The following PDIA5 variants were observed in gnomAD, a reference collection of about 807,000 sequenced individuals.
The protein encoded by PDIA5 is protein disulfide-isomerase A5.
A neutral mutation model predicts 77.6 loss-of-function variants in PDIA5; 58 were observed. The ratio of observed to expected loss-of-function variants is 0.75; its 90% CI spans 0.61 to 0.93. The LOEUF is 0.93. Ranked by LOEUF, PDIA5 falls within the 40% of genes least tolerant of loss-of-function variation. The probability of loss-of-function intolerance (pLI) is 0.00; values close to 1 mark genes in which losing one functional copy is unlikely to be tolerated. For missense variants in PDIA5, 630 were observed against 647.7 expected (o/e 0.97, Z 0.30); for synonymous variants, 250 against 252.1 (o/e 0.99, Z 0.08).
intron 15 of PDIA5, 125 bp downstream of exon 15, chr3:123,155,166 G>T: frequency 1.4e-6 from 1 of 713,640 alleles, no homozygotes; most frequent in Non-Finnish European, 2.5e-6. Context: ...GAAATTCCTT[G>T]GGAACCAGGA....
rs569370360 is a variant in PDIA5, at chr3:123,161,624, G to A, written c.1479+169G>A. 7 of 737,088 alleles carry A rather than the reference G, an allele frequency of 9.5e-6. No homozygotes were observed. The South Asian group carries it at 1.3e-4, about 14-fold the overall frequency. The allele number at this position is 737,088 out of a possible 1,614,324, so 45.7% of individuals were successfully genotyped here. On this transcript the variant is annotated intron_variant, in intron 16 of 16. Coordinates refer to ENST00000316218, the MANE Select transcript of PDIA5 (RefSeq NM_006810.4). ...GCCTGGCTGAGGCTTGACATTGTTG[G>A]AGGAGAGTCCCAAGGGGTTGCCACA...
intron 11 of PDIA5, among the ~76,000 whole-genome samples, chr3:123,135,627 A>G (rs1437988785): frequency 6.7e-6 from 1 of 149,568 alleles, no homozygotes; most frequent in East Asian, 2.0e-4. Context: ...TTTTAACTGT[A>G]TTTTTGTCTT....
At chr3:123,103,865 A>G (rs181490264) in intron 5 of PDIA5, among the ~76,000 whole-genome samples, 154 of 152,344 alleles carry the variant, frequency 1.0e-3, no homozygotes, top group African/African-American at 3.7e-3. Context: ...TTCCCCAGGA[A>G]CAAGATTTAG....
At position 123,127,366 on chromosome 3, in the gene PDIA5, C is replaced by G. The variant is rs541278607; in HGVS notation, c.773+3023C>G. Among the ~76,000 whole-genome samples the G allele has an allele frequency of 4.6e-5, 7 of 152,290 alleles. No homozygotes were observed. The South Asian group carries it at 1.4e-3, about 32-fold the overall frequency. ...CTCCCATTGGACTCATTCTGAGGTT[C>G]CCCATTCATGCTTGAATGACTCTTA... On this transcript the variant is annotated intron_variant, in intron 10 of 16. Coordinates refer to ENST00000316218, the MANE Select transcript of PDIA5 (RefSeq NM_006810.4).
chr3:123,094,147 A>ACCTTTTCAAG (rs1934375405), intron 3 of PDIA5, among the ~76,000 whole-genome samples: 1 of 152,250 alleles, frequency 6.6e-6, no homozygotes, highest in African/African-American at 2.4e-5. Flanking sequence ...GCAGGGAAGC[A>ACCTTTTCAAG]CCTTGGAGCT....
At chr3:123,101,053 G>A (rs868112488) in intron 3 of PDIA5, among the ~76,000 whole-genome samples, 3 of 152,198 alleles carry the variant, frequency 2.0e-5, no homozygotes, top group Non-Finnish European at 4.4e-5. Context: ...CTCTCTGACT[G>A]GCTGAGTGCA....
At chr3:123,112,106 C>T (rs905465537) in intron 7 of PDIA5, among the ~76,000 whole-genome samples, 3 of 152,294 alleles carry the variant, frequency 2.0e-5, no homozygotes, top group African/African-American at 7.2e-5. Flanking sequence ...GTCCGGGCAC[C>T]TCCACAGTCT....
At position 123,129,015 on chromosome 3, in the gene PDIA5, G is replaced by A. The variant is rs543104145; in HGVS notation, c.774-1465G>A. ...TCTTTGCAGTGCTCAGCCCTCCCTCGTGTAGATGGACAGCAGTTTACCTAA... is the reference window on the plus strand; with the variant it reads ...TCTTTGCAGTGCTCAGCCCTCCCTCATGTAGATGGACAGCAGTTTACCTAA... On this transcript the variant is annotated intron_variant, in intron 10 of 16. Coordinates refer to ENST00000316218, the MANE Select transcript of PDIA5 (RefSeq NM_006810.4). 3.7e-4 allele frequency among the ~76,000 whole-genome samples: 56 copies of A among 152,194 alleles called. 1 individual carries two copies. Among genetic ancestry groups the A allele is most frequent in the Non-Finnish European group, 4.9e-4 (33 of 68,018 alleles).
At chr3:123,143,411 C>A in intron 11 of PDIA5, among the ~76,000 whole-genome samples, 1 of 145,404 alleles carries the variant, frequency 6.9e-6, no homozygotes. Flanking sequence ...AAAAGAGAGG[C>A]ACTGTCTGGT....
intron 14 of PDIA5, among the ~76,000 whole-genome samples, chr3:123,152,259 G>A (rs1261816973): frequency 6.6e-6 from 1 of 152,184 alleles, no homozygotes; most frequent in East Asian, 1.9e-4. Context: ...AGGGTACAAG[G>A]GAGGGAGACA....
intron 13 of PDIA5, 150 bp from the exon 14 acceptor site, chr3:123,150,084 A>T: frequency 1.5e-6 from 1 of 666,560 alleles, no homozygotes. Context: ...TTTGTGTTTA[A>T]ACTGTGGTTT....
intron 5 of PDIA5, among the ~76,000 whole-genome samples, chr3:123,106,158 TG>T (rs762180701): frequency 2.6e-5 from 4 of 152,208 alleles, no homozygotes; most frequent in Non-Finnish European, 5.9e-5. Flanking sequence ...CACCCTGCCC[TG>T]GGGGCTTCCC....
At chr3:123,150,820 T>C (rs1167651446) in intron 14 of PDIA5, among the ~76,000 whole-genome samples, 1 of 152,058 alleles carries the variant, frequency 6.6e-6, no homozygotes, top group Non-Finnish European at 1.5e-5. Flanking sequence ...GCTCCTGAGC[T>C]CCTGTGCTGT....
intron 7 of PDIA5, among the ~76,000 whole-genome samples, chr3:123,112,926 GC>G (rs1049906949): frequency 9.2e-5 from 14 of 152,194 alleles, no homozygotes; most frequent in Admixed American, 2.6e-4. Context: ...CTCCTCGCTG[GC>G]CCCAGGGCTG....
intron 1 of PDIA5, among the ~76,000 whole-genome samples, chr3:123,067,804 T>G (rs1295115284): frequency 6.6e-6 from 1 of 152,182 alleles, no homozygotes; most frequent in African/African-American, 2.4e-5. Flanking sequence ...TCAGCCACTT[T>G]CTAGCTGTGT....
chr3:123,080,934 A>G (rs956196471), intron 1 of PDIA5, among the ~76,000 whole-genome samples: 1 of 150,772 alleles, frequency 6.6e-6, no homozygotes, highest in Non-Finnish European at 1.5e-5. Flanking sequence ...CATTGTCTCA[A>G]GGTGGCTACT....
chr3:123,151,691 A>C (rs1470052089), intron 14 of PDIA5, among the ~76,000 whole-genome samples: 2 of 151,044 alleles, frequency 1.3e-5, no homozygotes, highest in Non-Finnish European at 2.9e-5. Context: ...TCTGGGAGAG[A>C]CTCTTACCCT....
At chr3:123,117,095 C>CT (rs1935014085) in intron 8 of PDIA5, among the ~76,000 whole-genome samples, 1 of 151,882 alleles carries the variant, frequency 6.6e-6, no homozygotes, top group Admixed American at 6.6e-5. Flanking sequence ...TCCCTGGTAC[C>CT]TCTGTGTTCC....
At position 123,145,609 on chromosome 3, in the gene PDIA5, T is replaced by C. The variant is rs1576463002; in HGVS notation, c.981+17T>C. On this transcript the variant is annotated intron_variant, in intron 12 of 16. Coordinates refer to ENST00000316218, the MANE Select transcript of PDIA5 (RefSeq NM_006810.4). ...GAAGCGGATGTAAGCTTCCTTTCCTTCCCCCTCACCGTTCTCTTTGAAAGA... is the reference window on the plus strand; with the variant it reads ...GAAGCGGATGTAAGCTTCCTTTCCTCCCCCCTCACCGTTCTCTTTGAAAGA... 6 of 1,587,134 alleles carry C rather than the reference T, an allele frequency of 3.8e-6. No homozygotes were observed. Among genetic ancestry groups the C allele is most frequent in the African/African-American group, 2.7e-5 (2 of 74,400 alleles).
Sources: gnomAD v4.1 joint callset for allele counts (sites outside exome capture counted in the v4.1 genomes callset) on GRCh38, gnomAD v4.1.1 for gene constraint, MANE v1.5 for transcripts, NCBI Gene and HGNC (gene_info 2026-07-23, HGNC 2026-07-21) for gene names.